GRM8: variants seen among roughly 807,000 people sequenced by gnomAD.
The protein encoded by GRM8 is glutamate metabotropic receptor 8, also known as metabotropic glutamate receptor 8.
Under a neutral mutation model 87.2 loss-of-function variants are expected in GRM8, and 47 were observed. That is an observed-to-expected ratio of 0.54 (90% CI 0.43 to 0.69). The LOEUF is 0.69. GRM8 is among the 30% of genes least tolerant of loss of function. The pLI is 0.00. For missense variants in GRM8, 1,019 were observed against 1,139.2 expected (o/e 0.89, Z 1.52); for synonymous variants, 396 against 404.5 (o/e 0.98, Z 0.25).
chr7:126,601,504 C>T (rs1797765579), intron 8 of GRM8, among the ~76,000 whole-genome samples: 1 of 151,978 alleles, frequency 6.6e-6, no homozygotes, highest in South Asian at 2.1e-4. Context: ...GAGGAATCGC[C>T]ACACTGACTT....
chr7:126,777,507 T>C (rs999058355), intron 6 of GRM8, among the ~76,000 whole-genome samples: 2 of 152,144 alleles, frequency 1.3e-5, no homozygotes, highest in African/African-American at 4.8e-5. Flanking sequence ...CTTTTGCTTC[T>C]CCAAATTCCC....
intron 8 of GRM8, among the ~76,000 whole-genome samples, chr7:126,547,185 T>G (rs558091570): frequency 6.6e-6 from 1 of 152,308 alleles, no homozygotes; most frequent in African/African-American, 2.4e-5. Flanking sequence ...GAGTTTTAAA[T>G]CAGCGTTATA....
chr7:127,022,314 G>T (rs902178701), intron 3 of GRM8, among the ~76,000 whole-genome samples: 2 of 151,926 alleles, frequency 1.3e-5, no homozygotes, highest in Non-Finnish European at 2.9e-5. Context: ...ATGTTTGAAG[G>T]ATTTGTCCAA....
intron 2 of GRM8, among the ~76,000 whole-genome samples, chr7:127,130,602 T>C (rs1341053882): frequency 6.6e-6 from 1 of 152,194 alleles, no homozygotes; most frequent in Non-Finnish European, 1.5e-5. Context: ...TTAGTGTATC[T>C]GGCAGAAGAA....
chr7:126,485,358 C>CAA (rs372792249), intron 9 of GRM8, among the ~76,000 whole-genome samples: 5 of 125,768 alleles, frequency 4.0e-5, no homozygotes, highest in African/African-American at 1.5e-4. Flanking sequence ...ACAACAACAA[C>CAA]AAAAAAAAAG....
chr7:126,602,795 C>T (rs574382566), intron 8 of GRM8, among the ~76,000 whole-genome samples: 15 of 150,164 alleles, frequency 1.0e-4, no homozygotes, highest in African/African-American at 3.2e-4. Context: ...CAGCTGAATT[C>T]TACCAGAGGT....
chr7:127,196,105 T>C (rs1341736276), intron 2 of GRM8, among the ~76,000 whole-genome samples: 1 of 152,226 alleles, frequency 6.6e-6, no homozygotes, highest in African/African-American at 2.4e-5. Flanking sequence ...TGTGCTTTCA[T>C]TAATTTATTT....
chr7:126,984,240 A>G (rs1255496003), intron 3 of GRM8, among the ~76,000 whole-genome samples: 2 of 152,116 alleles, frequency 1.3e-5, no homozygotes, highest in Admixed American at 1.3e-4. Context: ...TGATCTCAGG[A>G]TGTGTATGGG....
chr7:126,661,106 G>A (rs923585863), intron 7 of GRM8, among the ~76,000 whole-genome samples: 1 of 151,994 alleles, frequency 6.6e-6, no homozygotes, highest in African/African-American at 2.4e-5. Flanking sequence ...AGCACAACAG[G>A]GTGACTATAG....
In GRM8 at chr7:126,446,239, C is replaced by A; in HGVS notation, c.2564G>T (p.Ser855Ile). ...GGCAGCTGTCACCACAGCCTTGAAG[C>A]TCCTCTTGCGTTTTTGAACATTCTG... ...PEQNVQKRKR[S>I]FKAVVTAATM... The change falls in exon 10 of 11, where the codon AGC (serine) becomes ATC (isoleucine). Residue 855 changes from serine to isoleucine, a missense_variant. Coordinates refer to ENST00000339582, the MANE Select transcript of GRM8 (RefSeq NM_000845.3). 6.2e-7 allele frequency: 1 copy of A among 1,613,064 alleles called. No homozygotes were observed. Among genetic ancestry groups the A allele is most frequent in the Non-Finnish European group, 8.5e-7 (1 of 1,179,424 alleles).
intron 9 of GRM8, chr7:126,511,020 G>A (rs1012195253): frequency 2.0e-5 from 3 of 152,034 alleles, no homozygotes; most frequent in Non-Finnish European, 4.4e-5. Context: ...GAAGCAGACA[G>A]GTAAGAAGCC....
At chr7:126,579,569 C>T (rs1795420343) in intron 8 of GRM8, among the ~76,000 whole-genome samples, 3 of 152,108 alleles carry the variant, frequency 2.0e-5, no homozygotes, top group Admixed American at 1.3e-4. Context: ...TGCTCTGATG[C>T]AGGCAGAACA....
chr7:126,751,385 T>G (rs1403821491), intron 7 of GRM8, among the ~76,000 whole-genome samples: 2 of 152,146 alleles, frequency 1.3e-5, no homozygotes, highest in East Asian at 1.9e-4. Context: ...AGAAGGATAT[T>G]TCTTATACCT....
chr7:126,784,339 C>A (rs1820404483), intron 6 of GRM8, among the ~76,000 whole-genome samples: 1 of 152,198 alleles, frequency 6.6e-6, no homozygotes, highest in South Asian at 2.1e-4. Flanking sequence ...ATATTTTCAT[C>A]TTTAAACTTT....
chr7:126,849,258 T>C (rs1028838442), intron 6 of GRM8, among the ~76,000 whole-genome samples: 4 of 152,202 alleles, frequency 2.6e-5, no homozygotes, highest in Non-Finnish European at 1.5e-5. Flanking sequence ...TACTGGACTG[T>C]TGGTCTAGTT....
intron 2 of GRM8, among the ~76,000 whole-genome samples, chr7:127,226,770 A>G (rs1442712146): frequency 1.3e-5 from 2 of 152,266 alleles, no homozygotes; most frequent in Non-Finnish European, 2.9e-5. Context: ...TTTGCCTGCA[A>G]TGCAGGGCTC....
rs1298164277 is a variant in GRM8 at position 126,609,283 on chromosome 7, G to C, written c.1494+79C>G. 4 of 1,043,336 alleles carry C rather than the reference G, an allele frequency of 3.8e-6. No individual in the cohort carries two copies. In the African/African-American group the frequency reaches 4.9e-5, roughly 13 times the overall value. The allele number at this position is 1,043,336 out of a possible 1,614,324, so 64.6% of individuals were successfully genotyped here. Reference sequence around the variant, plus strand: ...TTATTTATGGGGAAAACCTATTCTAGCAAAAGTTATACACTTAAAAATAAA... The same window carrying C: ...TTATTTATGGGGAAAACCTATTCTACCAAAAGTTATACACTTAAAAATAAA... On this transcript the variant is annotated intron_variant, in intron 8 of 10. Transcript: ENST00000339582.
intron 6 of GRM8, among the ~76,000 whole-genome samples, chr7:126,902,007 T>C (rs1005557736): frequency 4.1e-5 from 6 of 145,064 alleles, no homozygotes; most frequent in African/African-American, 1.6e-4. Context: ...TTTAATCATA[T>C]ATTCAAAAAT....
At chr7:127,208,488 T>TA (rs1796037400) in intron 2 of GRM8, among the ~76,000 whole-genome samples, 1 of 152,176 alleles carries the variant, frequency 6.6e-6, no homozygotes, top group Admixed American at 6.5e-5. Context: ...TTCACAGATT[T>TA]AAAGATCTTG....
Sources: gnomAD v4.1 joint callset for allele counts (sites outside exome capture counted in the v4.1 genomes callset) on GRCh38, gnomAD v4.1.1 for gene constraint, MANE v1.5 for transcripts, NCBI Gene and HGNC (gene_info 2026-07-23, HGNC 2026-07-21) for gene names.